Variants in HS3ST4 observed in about 807,000 individuals in gnomAD.
HS3ST4 encodes the protein heparan sulfate glucosamine 3-O-sulfotransferase 4.
A neutral mutation model predicts 29.2 loss-of-function variants in HS3ST4; 17 were observed. The ratio of observed to expected loss-of-function variants is 0.58; its 90% CI spans 0.40 to 0.87. The LOEUF is 0.87. Among genes scored for constraint, HS3ST4 ranks in the 40% least tolerant of loss-of-function variants. The pLI is 0.00. For missense variants in HS3ST4, 627 were observed against 634.5 expected (o/e 0.99, Z 0.13); for synonymous variants, 314 against 285.7 (o/e 1.10, Z -1.00).
At chr16:25,736,187 T>C (rs1966608381) in intron 1 of HS3ST4, among the ~76,000 whole-genome samples, 1 of 152,140 alleles carries the variant, frequency 6.6e-6, no homozygotes. Flanking sequence ...TTCCAGGGAA[T>C]AGTGGGGAAG....
intron 1 of HS3ST4, among the ~76,000 whole-genome samples, chr16:25,828,301 C>CCTCTCT (rs1196055715): frequency 0.044 from 1,439 of 32,876 alleles, 206 homozygotes; most frequent in African/African-American, 0.058. Flanking sequence ...TCTTTCTTTC[C>CCTCTCT]CTCTCTCTCT....
intron 1 of HS3ST4, among the ~76,000 whole-genome samples, chr16:26,041,430 T>C (rs1969635182): frequency 6.6e-6 from 1 of 152,152 alleles, no homozygotes; most frequent in Non-Finnish European, 1.5e-5. Context: ...GTTCCAGCCC[T>C]ACTCTAGGCC....
intron 1 of HS3ST4, among the ~76,000 whole-genome samples, chr16:26,082,873 C>A (rs1389971131): frequency 3.3e-5 from 5 of 152,134 alleles, no homozygotes; most frequent in Admixed American, 3.3e-4. Context: ...AAGAAATAAA[C>A]CTTTGTTGTT....
At chr16:25,938,408 A>T (rs1031492692) in intron 1 of HS3ST4, among the ~76,000 whole-genome samples, 1 of 152,170 alleles carries the variant, frequency 6.6e-6, no homozygotes, top group African/African-American at 2.4e-5. Context: ...TAGGAAAAAA[A>T]TAAGTGTGCA....
chr16:26,050,655 C>A (rs1012538234), intron 1 of HS3ST4, among the ~76,000 whole-genome samples: 1 of 152,154 alleles, frequency 6.6e-6, no homozygotes, highest in African/African-American at 2.4e-5. Context: ...TAACCAGGCA[C>A]CCTCCGCCGA....
chr16:25,724,128 A>G (rs1438184987), intron 1 of HS3ST4, among the ~76,000 whole-genome samples: 1 of 151,820 alleles, frequency 6.6e-6, no homozygotes, highest in East Asian at 1.9e-4. Context: ...AAAAAAAAAA[A>G]AAAAAAAAAT....
chr16:26,117,512 A>G (rs561689710), intron 1 of HS3ST4, among the ~76,000 whole-genome samples: 1 of 152,336 alleles, frequency 6.6e-6, no homozygotes, highest in South Asian at 2.1e-4. Context: ...GAGACAGGCT[A>G]TTCCATGTTA....
intron 1 of HS3ST4, among the ~76,000 whole-genome samples, chr16:26,053,346 G>A (rs897091351): frequency 6.6e-6 from 1 of 152,306 alleles, no homozygotes; most frequent in Middle Eastern, 3.4e-3. Context: ...AATACTTGCT[G>A]CAATTATTAT....
intron 1 of HS3ST4, among the ~76,000 whole-genome samples, chr16:26,057,991 A>G (rs187648110): frequency 6.0e-5 from 9 of 151,006 alleles, no homozygotes; most frequent in African/African-American, 2.2e-4. Flanking sequence ...GAGAATTAAA[A>G]TCGAGTTTGA....
intron 1 of HS3ST4, among the ~76,000 whole-genome samples, chr16:25,772,157 G>A (rs1436366649): frequency 1.3e-5 from 2 of 152,212 alleles, no homozygotes; most frequent in African/African-American, 4.8e-5. Context: ...GACCCTTATT[G>A]TAGAGTATTC....
rs1300584603 is a variant in HS3ST4 at position 26,059,206 on chromosome 16, A to AT, written c.735-76406_735-76405insT. 1.2e-4 allele frequency among the ~76,000 whole-genome samples: 19 copies of AT among 152,236 alleles called. No homozygotes were observed. The East Asian group carries it at 3.7e-3, about 29-fold the overall frequency. On this transcript the variant is annotated intron_variant, in intron 1 of 1. Coordinates refer to ENST00000331351, the MANE Select transcript of HS3ST4 (RefSeq NM_006040.3). ...AGGTCTTGTCAGAGTGGCAGGTTCA[A>AT]GGGTTCAGGGTGGCAAATGAGGTGG...
At chr16:25,991,409 C>G (rs1377053624) in intron 1 of HS3ST4, among the ~76,000 whole-genome samples, 1 of 152,120 alleles carries the variant, frequency 6.6e-6, no homozygotes, top group Non-Finnish European at 1.5e-5. Context: ...AAAGAGAGTT[C>G]CTCATCGTGA....
chr16:25,863,273 G>A (rs1180219747), intron 1 of HS3ST4, among the ~76,000 whole-genome samples: 3 of 152,020 alleles, frequency 2.0e-5, no homozygotes, highest in Non-Finnish European at 4.4e-5. Context: ...AAGTAGAGCG[G>A]GGTTTCACCA....
intron 1 of HS3ST4, among the ~76,000 whole-genome samples, chr16:25,969,595 A>G (rs1387392244): frequency 6.6e-6 from 1 of 152,212 alleles, no homozygotes; most frequent in African/African-American, 2.4e-5. Flanking sequence ...GGCCTGGGAC[A>G]ACTCTCTTAG....
At chr16:25,837,781 A>AT (rs1201004502) in intron 1 of HS3ST4, among the ~76,000 whole-genome samples, 3 of 151,912 alleles carry the variant, frequency 2.0e-5, no homozygotes, top group Non-Finnish European at 4.4e-5. Flanking sequence ...TTATTTATTT[A>AT]TTTTTTTACT....
At chr16:25,999,841 AT>A (rs1026099665) in intron 1 of HS3ST4, among the ~76,000 whole-genome samples, 3 of 133,500 alleles carry the variant, frequency 2.2e-5, no homozygotes, top group Non-Finnish European at 4.6e-5. Context: ...TATTATATAT[AT>A]TTTATATATA....
chr16:25,715,041 G>A (rs973888057), intron 1 of HS3ST4, among the ~76,000 whole-genome samples: 2 of 151,654 alleles, frequency 1.3e-5, no homozygotes, highest in Non-Finnish European at 2.9e-5. Context: ...ACTCAGCGCC[G>A]GCCGGGCGCG....
At chr16:25,954,958 A>G (rs1481766514) in intron 1 of HS3ST4, among the ~76,000 whole-genome samples, 1 of 152,232 alleles carries the variant, frequency 6.6e-6, no homozygotes, top group Non-Finnish European at 1.5e-5. Flanking sequence ...TTTTATAAAA[A>G]TCAACATGAA....
At chr16:25,911,774 G>A (rs113645816) in intron 1 of HS3ST4, among the ~76,000 whole-genome samples, 10,463 of 151,986 alleles carry the variant, frequency 0.069, 729 homozygotes, top group Admixed American at 0.19. Flanking sequence ...CTCCCAAAGC[G>A]CTGGGATTAC....
Sources: gnomAD v4.1 joint callset for allele counts (sites outside exome capture counted in the v4.1 genomes callset) on GRCh38, gnomAD v4.1.1 for gene constraint, MANE v1.5 for transcripts, NCBI Gene and HGNC (gene_info 2026-07-23, HGNC 2026-07-21) for gene names.